The following DLG2 variants were observed in gnomAD, a reference collection of about 807,000 sequenced individuals.
DLG2 encodes the protein disks large homolog 2.
In DLG2, 45 loss-of-function variants were observed where a neutral mutation model predicts 132.5. That is an observed-to-expected ratio of 0.34 (90% confidence interval 0.27 to 0.44). The LOEUF (loss-of-function observed/expected upper bound fraction) is 0.44, where lower values mean the gene tolerates loss of function less well. DLG2 is among the 20% of genes least tolerant of loss of function. The pLI, the probability that DLG2 is intolerant of heterozygous loss-of-function variation, is 1.00. For missense variants in DLG2, 1,045 were observed against 1,196.9 expected (o/e 0.87, Z 1.87); for synonymous variants, 424 against 419.6 (o/e 1.01, Z -0.13).
intron 3 of DLG2, among the ~76,000 whole-genome samples, chr11:85,436,452 C>T (rs566199637): frequency 1.9e-4 from 28 of 149,492 alleles, no homozygotes; most frequent in Admixed American, 1.0e-3. Context: ...GGAACTTAAA[C>T]AAATTTACAA....
At chr11:84,932,621 T>C (rs185891550) in intron 6 of DLG2, among the ~76,000 whole-genome samples, 2 of 152,334 alleles carry the variant, frequency 1.3e-5, no homozygotes, top group East Asian at 3.9e-4. Context: ...TTTGGTTTTC[T>C]GTTCCTGTGT....
At chr11:84,634,306 TAAA>T (rs2099637008) in intron 6 of DLG2, among the ~76,000 whole-genome samples, 1 of 152,194 alleles carries the variant, frequency 6.6e-6, no homozygotes, top group Admixed American at 6.5e-5. Flanking sequence ...CTGACACACA[TAAA>T]GTATTCAAAA....
intron 19 of DLG2, among the ~76,000 whole-genome samples, chr11:83,625,932 T>A (rs945341770): frequency 6.6e-6 from 1 of 152,166 alleles, no homozygotes; most frequent in African/African-American, 2.4e-5. Flanking sequence ...TCAAATACCT[T>A]GGCTTATATT....
At chr11:84,202,822 C>T (rs1461962399) in intron 8 of DLG2, among the ~76,000 whole-genome samples, 4 of 152,104 alleles carry the variant, frequency 2.6e-5, no homozygotes, top group Non-Finnish European at 5.9e-5. Flanking sequence ...AGACACTTCT[C>T]AAAAGAAGAC....
chr11:83,822,530 C>G (rs1461762975), intron 17 of DLG2, among the ~76,000 whole-genome samples: 1 of 152,186 alleles, frequency 6.6e-6, no homozygotes, highest in Non-Finnish European at 1.5e-5. Context: ...CCTTTTCCCA[C>G]CCCTCAGCAG....
intron 25 of DLG2, 105 bp downstream of exon 25, chr11:83,469,096 T>C: frequency 1.2e-6 from 1 of 812,954 alleles, no homozygotes; most frequent in Non-Finnish European, 1.9e-6. Context: ...AAATCAAAAT[T>C]TACAATTGCA....
chr11:83,806,986 C>A (rs957768262), intron 17 of DLG2, among the ~76,000 whole-genome samples: 1 of 152,164 alleles, frequency 6.6e-6, no homozygotes, highest in Non-Finnish European at 1.5e-5. Flanking sequence ...TGAATGTGGA[C>A]TTTTGTGGGA....
At chr11:84,763,604 C>A (rs2067966310) in intron 6 of DLG2, among the ~76,000 whole-genome samples, 2 of 152,090 alleles carry the variant, frequency 1.3e-5, no homozygotes, top group African/African-American at 4.8e-5. Context: ...TATCTGGGGT[C>A]ACATAAACAC....
At chr11:85,261,313 G>A (rs1023743933) in intron 4 of DLG2, among the ~76,000 whole-genome samples, 2 of 152,028 alleles carry the variant, frequency 1.3e-5, no homozygotes, top group Non-Finnish European at 2.9e-5. Context: ...CCATCTCTTG[G>A]AACAATTGTT....
At chr11:83,803,717 C>T (rs2045138514) in intron 17 of DLG2, among the ~76,000 whole-genome samples, 3 of 151,972 alleles carry the variant, frequency 2.0e-5, no homozygotes, top group Admixed American at 2.0e-4. Context: ...TTCTTGTTTC[C>T]TTTTTTCCTC....
At chr11:84,886,100 A>G (rs1168680201) in intron 6 of DLG2, among the ~76,000 whole-genome samples, 1 of 152,094 alleles carries the variant, frequency 6.6e-6, no homozygotes, top group East Asian at 1.9e-4. Flanking sequence ...AGTTTCAAAG[A>G]AGGGGAGGCA....
chr11:84,231,514 A>T (rs1014589894), intron 8 of DLG2, among the ~76,000 whole-genome samples: 11 of 152,192 alleles, frequency 7.2e-5, no homozygotes, highest in African/African-American at 2.7e-4. Context: ...CAGGTACAAA[A>T]TAAGAGATTG....
chr11:84,853,468 T>C (rs1304815650), intron 6 of DLG2, among the ~76,000 whole-genome samples: 2 of 152,032 alleles, frequency 1.3e-5, no homozygotes, highest in Non-Finnish European at 2.9e-5. Context: ...ATCCAAATAC[T>C]TACCAAACTT....
intron 3 of DLG2, among the ~76,000 whole-genome samples, chr11:85,506,693 G>C (rs1488347236): frequency 6.6e-6 from 1 of 152,046 alleles, no homozygotes; most frequent in East Asian, 1.9e-4. Flanking sequence ...TGTATATTCT[G>C]TTGATTTGGG....
chr11:84,895,589 G>A (rs983721140), intron 6 of DLG2, among the ~76,000 whole-genome samples: 4 of 152,056 alleles, frequency 2.6e-5, no homozygotes, highest in Non-Finnish European at 4.4e-5. Flanking sequence ...AAGTAATTTT[G>A]GGGGCAGTGA....
At chr11:85,026,183 C>T (rs1018276298) in intron 6 of DLG2, among the ~76,000 whole-genome samples, 2 of 151,694 alleles carry the variant, frequency 1.3e-5, no homozygotes, top group African/African-American at 4.8e-5. Flanking sequence ...AAAATACAAA[C>T]AATAAACTGG....
At chr11:84,162,168 G>A (rs1566765310) in intron 9 of DLG2, among the ~76,000 whole-genome samples, 1 of 152,206 alleles carries the variant, frequency 6.6e-6, no homozygotes, top group East Asian at 1.9e-4. Flanking sequence ...TATACTAAAT[G>A]TGGTATGCGT....
intron 3 of DLG2, among the ~76,000 whole-genome samples, chr11:85,304,255 G>C (rs899242272): frequency 6.6e-6 from 1 of 152,126 alleles, no homozygotes; most frequent in African/African-American, 2.4e-5. Context: ...ACTATGCATA[G>C]AGCAATATAA....
At chr11:83,701,678 T>A (rs2082967698) in intron 18 of DLG2, among the ~76,000 whole-genome samples, 1 of 152,142 alleles carries the variant, frequency 6.6e-6, no homozygotes, top group Non-Finnish European at 1.5e-5. Context: ...ATAGAGAAGA[T>A]GATACTTAAT....
Sources: gnomAD v4.1 joint callset for allele counts (sites outside exome capture counted in the v4.1 genomes callset) on GRCh38, gnomAD v4.1.1 for gene constraint, MANE v1.5 for transcripts, NCBI Gene and HGNC (gene_info 2026-07-23, HGNC 2026-07-21) for gene names.